The following DMD variants were observed in gnomAD, a reference collection of about 807,000 sequenced individuals.
DMD encodes the protein dystrophin.
A neutral mutation model predicts 330.1 loss-of-function variants in DMD; 63 were observed. The ratio of observed to expected loss-of-function variants is 0.19; its 90% confidence interval spans 0.16 to 0.24. DMD has a LOEUF of 0.24. DMD is among the 10% of genes least tolerant of loss of function. The probability of loss-of-function intolerance (pLI) is 1.00; values close to 1 mark genes in which losing one functional copy is unlikely to be tolerated. For missense variants in DMD, 3,344 were observed against 2,684.1 expected (o/e 1.25, Z -5.43); for synonymous variants, 1,223 against 959.8 (o/e 1.27, Z -5.07).
At chrX:32,784,770 T>C (rs2075208689) in intron 7 of DMD, among the ~76,000 whole-genome samples, 2 of 111,913 alleles carry the variant, frequency 1.8e-5, no homozygotes, top group South Asian at 7.3e-4. Flanking sequence ...TTGACATAAA[T>C]ATTTGTACAT....
At chrX:33,174,034 C>CAA (rs200540950) in intron 1 of DMD, among the ~76,000 whole-genome samples, 18 of 52,789 alleles carry the variant, frequency 3.4e-4, no homozygotes, top group African/African-American at 1.0e-3. Context: ...TTGGTAACTA[C>CAA]AAAAAAAAAA....
chrX:32,185,834 G>A (rs1603627855), intron 44 of DMD, among the ~76,000 whole-genome samples: 1 of 107,176 alleles, frequency 9.3e-6, no homozygotes, highest in African/African-American at 3.7e-5. Flanking sequence ...AATTTGTGTT[G>A]TTTATCATGT....
intron 47 of DMD, among the ~76,000 whole-genome samples, chrX:31,888,887 C>T (rs1418613753): frequency 1.8e-5 from 2 of 112,292 alleles, no homozygotes; most frequent in African/African-American, 3.2e-5. Flanking sequence ...CGGAATATTA[C>T]TTTAAAAGTA....
At chrX:32,731,530 G>C (rs1022551688) in intron 7 of DMD, among the ~76,000 whole-genome samples, 2 of 112,490 alleles carry the variant, frequency 1.8e-5, no homozygotes, top group Admixed American at 9.4e-5. Flanking sequence ...GCTTTGAAGA[G>C]AGCAGTGGTT....
At chrX:31,332,597 C>T (rs774896429) in intron 61 of DMD, among the ~76,000 whole-genome samples, 9 of 111,870 alleles carry the variant, frequency 8.0e-5, no homozygotes, top group Non-Finnish European at 1.7e-4. Context: ...GTGTGGGTTG[C>T]TATTCACTGG....
intron 41 of DMD, among the ~76,000 whole-genome samples, chrX:32,340,349 G>A (rs1466867498): frequency 9.0e-6 from 1 of 111,723 alleles, no homozygotes; most frequent in East Asian, 2.8e-4. Flanking sequence ...AATCGTTTAT[G>A]AGGAAAATAT....
At chrX:32,295,256 T>C (rs770462299) in intron 42 of DMD, among the ~76,000 whole-genome samples, 1 of 111,976 alleles carries the variant, frequency 8.9e-6, no homozygotes, top group African/African-American at 3.2e-5. Context: ...TCCTTAATAT[T>C]TTAAAATAGG....
chrX:32,526,945 G>C (rs3805060), intron 17 of DMD, among the ~76,000 whole-genome samples: 8,676 of 111,652 alleles, frequency 0.078, 729 homozygotes, highest in African/African-American at 0.26. Context: ...CAATATACAA[G>C]TTGCAACTCA....
chrX:33,118,254 G>A (rs1052303031), intron 1 of DMD, among the ~76,000 whole-genome samples: 11 of 107,436 alleles, frequency 1.0e-4, no homozygotes, highest in African/African-American at 3.7e-4. Context: ...GGGACTACAG[G>A]CGCCCGCTAC....
At chrX:31,544,107 G>T (rs1310687151) in intron 55 of DMD, among the ~76,000 whole-genome samples, 2 of 111,020 alleles carry the variant, frequency 1.8e-5, no homozygotes, top group African/African-American at 6.6e-5. Flanking sequence ...GGCGGACCAC[G>T]AGGTCAGGAG....
At chrX:33,163,296 C>A (rs1023674152) in intron 1 of DMD, among the ~76,000 whole-genome samples, 2 of 109,610 alleles carry the variant, frequency 1.8e-5, no homozygotes, top group African/African-American at 6.6e-5. Context: ...CAGCACTTTG[C>A]GAGGCCGAGG....
intron 16 of DMD, among the ~76,000 whole-genome samples, chrX:32,561,858 T>A: frequency 8.9e-6 from 1 of 111,919 alleles, no homozygotes; most frequent in African/African-American, 3.2e-5. Context: ...AGAAACCCTA[T>A]AAGCCAGTAG....
At chrX:32,338,714 G>A (rs760317636) in intron 41 of DMD, among the ~76,000 whole-genome samples, 1 of 111,024 alleles carries the variant, frequency 9.0e-6, no homozygotes, top group East Asian at 2.8e-4. Context: ...ACCCTTGGGG[G>A]TTGTAGTGGT....
chrX:31,444,847 C>A (rs1034917589), intron 59 of DMD, among the ~76,000 whole-genome samples: 1 of 110,538 alleles, frequency 9.0e-6, no homozygotes, highest in African/African-American at 3.3e-5. Flanking sequence ...GGAGATGGGG[C>A]CTTTAGGGAG....
chrX:32,671,028 T>A (rs17243715), intron 9 of DMD, among the ~76,000 whole-genome samples: 126 of 110,936 alleles, frequency 1.1e-3, no homozygotes, highest in Non-Finnish European at 1.7e-3. Context: ...ATCGCAAAGA[T>A]CCACCAATAT....
chrX:31,263,660 C>A (rs1440664392), intron 62 of DMD, among the ~76,000 whole-genome samples: 1 of 111,534 alleles, frequency 9.0e-6, no homozygotes, highest in African/African-American at 3.3e-5. Flanking sequence ...CAAACAATTC[C>A]AGAAGCTAAC....
chrX:31,240,556 G>A (rs1406319820), intron 63 of DMD, among the ~76,000 whole-genome samples: 1 of 110,875 alleles, frequency 9.0e-6, no homozygotes, highest in Non-Finnish European at 1.9e-5. Context: ...AGCTTCACCC[G>A]CTGTCCTTCA....
chrX:32,633,240 G>A (rs985165495), intron 11 of DMD, among the ~76,000 whole-genome samples: 3 of 110,910 alleles, frequency 2.7e-5, no homozygotes, highest in Admixed American at 1.9e-4. Flanking sequence ...AATTCATTCC[G>A]TCAGACACAC....
At chrX:32,544,456 T>G (rs2048777222) in intron 17 of DMD, among the ~76,000 whole-genome samples, 1 of 111,596 alleles carries the variant, frequency 9.0e-6, no homozygotes, top group African/African-American at 3.3e-5. Flanking sequence ...TTACAATAAC[T>G]GGAATGAAAG....
Sources: gnomAD v4.1 joint callset for allele counts (sites outside exome capture counted in the v4.1 genomes callset) on GRCh38, gnomAD v4.1.1 for gene constraint, MANE v1.5 for transcripts, NCBI Gene and HGNC (gene_info 2026-07-23, HGNC 2026-07-21) for gene names.